RYR2: variants seen among roughly 807,000 people sequenced by gnomAD.
RYR2 encodes cardiac muscle ryanodine receptor-calcium release channel.
RYR2 carries 227 observed loss-of-function variants against 601.1 expected under a neutral mutation model. The observed-to-expected ratio is 0.38, with a 90% confidence interval of 0.34 to 0.42. The LOEUF is 0.42. RYR2 is among the 10% of genes least tolerant of loss of function. The probability of loss-of-function intolerance (pLI) is 1.00; values close to 1 mark genes in which losing one functional copy is unlikely to be tolerated. For missense variants in RYR2, 4,646 were observed against 6,156.5 expected (o/e 0.75, Z 8.21); for synonymous variants, 2,223 against 2,175.1 (o/e 1.02, Z -0.61).
intron 91 of RYR2, 31 bp from the exon 92 acceptor site, chr1:237,787,957 G>C (rs752801761): frequency 5.1e-6 from 8 of 1,562,400 alleles, no homozygotes; most frequent in Non-Finnish European, 6.9e-6. Flanking sequence ...AGTTTCTGGA[G>C]AGCTTATGTT....
At chr1:237,493,306 A>G (rs575507386) in intron 19 of RYR2, among the ~76,000 whole-genome samples, 3 of 152,302 alleles carry the variant, frequency 2.0e-5, no homozygotes, top group African/African-American at 7.2e-5. Flanking sequence ...ACACATGTAT[A>G]AGAGCTTTTA....
At chr1:237,157,162 G>GGT (rs1358938381) in intron 1 of RYR2, among the ~76,000 whole-genome samples, 1 of 151,808 alleles carries the variant, frequency 6.6e-6, no homozygotes, top group African/African-American at 2.4e-5. Flanking sequence ...TGGGTGTGGT[G>GGT]GTGTGTACCT....
intron 1 of RYR2, among the ~76,000 whole-genome samples, chr1:237,126,058 A>T (rs1470000725): frequency 2.0e-5 from 3 of 152,106 alleles, no homozygotes; most frequent in Admixed American, 2.0e-4. Flanking sequence ...CCAACATGGC[A>T]AAACCCTGTC....
chr1:237,269,412 A>G (rs2149343263), intron 1 of RYR2, among the ~76,000 whole-genome samples: 1 of 151,984 alleles, frequency 6.6e-6, no homozygotes, highest in South Asian at 2.1e-4. Flanking sequence ...TTGAGTCTTT[A>G]TTCCCATCAC....
At chr1:237,402,409 T>A (rs12041884) in intron 10 of RYR2, among the ~76,000 whole-genome samples, 30,441 of 145,202 alleles carry the variant, frequency 0.21, 3,128 homozygotes, top group Non-Finnish European at 0.23. Flanking sequence ...GAAAAAAAAA[T>A]ATATATATGT....
At chr1:237,069,699 TA>T (rs1026487155) in intron 1 of RYR2, among the ~76,000 whole-genome samples, 4 of 152,166 alleles carry the variant, frequency 2.6e-5, no homozygotes, top group Non-Finnish European at 5.9e-5. Flanking sequence ...AGTCCATTTT[TA>T]AAAAATGGTG....
At chr1:237,135,376 CT>C (rs558558722) in intron 1 of RYR2, among the ~76,000 whole-genome samples, 63 of 143,644 alleles carry the variant, frequency 4.4e-4, no homozygotes, top group Admixed American at 4.2e-4. Flanking sequence ...TTTTATTTTT[CT>C]TTTTTTTTTT....
At chr1:237,320,636 T>C (rs1241585281) in intron 2 of RYR2, among the ~76,000 whole-genome samples, 1 of 152,226 alleles carries the variant, frequency 6.6e-6, no homozygotes, top group African/African-American at 2.4e-5. Context: ...GACCTAGTTG[T>C]TTAATTACAC....
intron 32 of RYR2, among the ~76,000 whole-genome samples, chr1:237,592,183 T>C (rs1006464425): frequency 9.9e-5 from 15 of 152,224 alleles, no homozygotes; most frequent in African/African-American, 3.4e-4. Flanking sequence ...TGAAGATCAA[T>C]CATCATAATT....
intron 1 of RYR2, among the ~76,000 whole-genome samples, chr1:237,139,192 G>T (rs1394035263): frequency 2.6e-5 from 4 of 152,156 alleles, no homozygotes; most frequent in African/African-American, 9.7e-5. Context: ...ATGTTATTTG[G>T]TCATAAAAGG....
chr1:237,138,436 A>G (rs1248542170), intron 1 of RYR2, among the ~76,000 whole-genome samples: 1 of 152,138 alleles, frequency 6.6e-6, no homozygotes, highest in African/African-American at 2.4e-5. Flanking sequence ...AGGAGACAAG[A>G]GACTGTGATT....
At chr1:237,582,268 A>AAT in intron 29 of RYR2, among the ~76,000 whole-genome samples, 1 of 106,284 alleles carries the variant, frequency 9.4e-6, no homozygotes, top group East Asian at 3.7e-4. Flanking sequence ...ACACCCAGAT[A>AAT]ATTTTTTTTT....
chr1:237,576,549 T>C (rs1673243184), intron 29 of RYR2, among the ~76,000 whole-genome samples: 2 of 152,212 alleles, frequency 1.3e-5, no homozygotes, highest in Admixed American at 6.5e-5. Flanking sequence ...AAATATGAGA[T>C]GGTCACTTCT....
chr1:237,664,920 G>A lies in RYR2; in HGVS notation c.8437-1592G>A, dbSNP rs1684164135. 2.6e-5 allele frequency among the ~76,000 whole-genome samples: 4 copies of A among 152,162 alleles called. No individual in the cohort carries two copies. The South Asian group carries it at 8.3e-4, about 32-fold the overall frequency. ...CACCCACTCCTCACTACAACTGTAT[G>A]GGAACTATGGTGTTGATAGCAGTTA... On this transcript the variant is annotated intron_variant, in intron 56 of 104. Transcript: ENST00000366574.
intron 31 of RYR2, 59 bp from the exon 32 acceptor site, chr1:237,591,680 A>T: frequency 7.2e-7 from 1 of 1,381,586 alleles, no homozygotes; most frequent in South Asian, 1.2e-5. Context: ...ATATGCTCAT[A>T]TTTGAAGTAG....
intron 8 of RYR2, among the ~76,000 whole-genome samples, chr1:237,383,711 G>A (rs1402804913): frequency 6.6e-6 from 1 of 152,032 alleles, no homozygotes; most frequent in Admixed American, 6.5e-5. Context: ...TTACAGGCGT[G>A]AGCCACCGCG....
chr1:237,733,205 C>A (rs1039938518), intron 78 of RYR2, among the ~76,000 whole-genome samples: 1 of 152,138 alleles, frequency 6.6e-6, no homozygotes, highest in Non-Finnish European at 1.5e-5. Context: ...CTTTTCTTCA[C>A]GTAGTCATGG....
intron 1 of RYR2, among the ~76,000 whole-genome samples, chr1:237,263,130 G>A (rs1484666493): frequency 1.3e-5 from 2 of 151,976 alleles, no homozygotes; most frequent in Admixed American, 6.6e-5. Context: ...AGACAGGATC[G>A]GTAATTTTCC....
At chr1:237,575,292 C>T (rs1572937194) in intron 29 of RYR2, among the ~76,000 whole-genome samples, 1 of 152,230 alleles carries the variant, frequency 6.6e-6, no homozygotes, top group Admixed American at 6.5e-5. Flanking sequence ...AGCTGTGATA[C>T]TCCTCCATAC....
Sources: allele counts gnomAD v4.1 joint callset (sites outside exome capture counted in the v4.1 genomes callset), GRCh38; gene constraint gnomAD v4.1.1; transcripts MANE v1.5; gene names NCBI Gene and HGNC (gene_info 2026-07-23, HGNC 2026-07-21).